The following LARS1 variants were observed in gnomAD, a reference collection of about 807,000 sequenced individuals.
LARS1 encodes leucine--tRNA ligase, cytoplasmic.
LARS1 carries 100 observed loss-of-function variants against 162.8 expected under a neutral mutation model. That is an observed-to-expected ratio of 0.61 (90% confidence interval 0.52 to 0.73). The LOEUF is 0.73. LARS1 is among the 30% of genes least tolerant of loss of function. The pLI is 0.00. For synonymous variants in LARS1, 457 were observed against 462.8 expected, an observed-to-expected ratio of 0.99 and a Z score of 0.16; for missense variants, 1,258 against 1,408.9, an observed-to-expected ratio of 0.89 and a Z score of 1.71.
At position 146,114,175 on chromosome 5, in the gene LARS1, C is replaced by G; in HGVS notation, c.3462G>C (p.Lys1154Asn). ...TCCCATTCTCAGTCAGATGAATTTT[C>G]TTGCTCATGAGGTCCACATTGAAAA... Reference protein sequence around the residue: ...HAVFNVDLMSKKIHLTENGIR... With the variant: ...HAVFNVDLMSNKIHLTENGIR... Residue 1154 changes from lysine to asparagine, a missense_variant, in exon 32 of 32, where the codon AAG (lysine) becomes AAC (asparagine). Physicochemically the swap from Lys to Asn is moderately conservative, Grantham distance 94. Coordinates refer to ENST00000394434, the MANE Select transcript of LARS1 (RefSeq NM_020117.11). 1 of 1,613,802 alleles carries G rather than the reference C, an allele frequency of 6.2e-7. No individual in the cohort carries two copies. Among genetic ancestry groups the G allele is most frequent in the Non-Finnish European group, 8.5e-7 (1 of 1,179,952 alleles).
rs59699348 is a variant in LARS1, at chr5:146,118,726, T to C, written c.3325+1645A>G. On this transcript the variant is annotated intron_variant, in intron 31 of 31. Transcript: ENST00000394434. The stretch of plus-strand genomic sequence containing the variant: ...CTGGAGGGAAGGAGAATGGGAGTTA[T>C]TATTTAATGGGTATAGGGTTTCAAT... 7.9e-3 allele frequency among the ~76,000 whole-genome samples: 1,198 copies of C among 152,312 alleles called. 13 individuals carry two copies. Among genetic ancestry groups the C allele is most frequent in the African/African-American group, 0.027 (1,116 of 41,574 alleles).
chr5:146,135,583 A>C lies in LARS1; in HGVS notation c.2212+18T>G. The C allele has an allele frequency of 1.9e-6, 3 of 1,570,486 alleles. No individual in the cohort carries two copies. The highest frequency in any genetic ancestry group is 2.6e-6 in the Non-Finnish European group (3 of 1,147,600). ...AACTGGACCCTACAGAACAGCAATA[A>C]GAAAAATGTTTACTCACCATCTGCT... On this transcript the variant is annotated intron_variant, in intron 22 of 31. Coordinates refer to ENST00000394434, the MANE Select transcript of LARS1 (RefSeq NM_020117.11).
chr5:146,157,072 A>G (rs1478507622), intron 10 of LARS1, among the ~76,000 whole-genome samples: 1 of 152,224 alleles, frequency 6.6e-6, no homozygotes, highest in Non-Finnish European at 1.5e-5. Flanking sequence ...AAACAGTCAG[A>G]CTACACAATT....
At chr5:146,130,925 G>T in intron 24 of LARS1, 94 bp downstream of exon 24, 2 of 588,898 alleles carry the variant, frequency 3.4e-6, no homozygotes, top group Non-Finnish European at 5.8e-6. Flanking sequence ...CACTTTAGGC[G>T]AGTAATTGTG....
At chr5:146,117,338 G>A (rs759016299) in intron 31 of LARS1, among the ~76,000 whole-genome samples, 36 of 152,020 alleles carry the variant, frequency 2.4e-4, no homozygotes, top group Non-Finnish European at 4.1e-4. Flanking sequence ...AAGCAGGGCC[G>A]GTGTCTCATC....
chr5:146,157,919 CAGAGA>C, intron 8 of LARS1, 124 bp from the exon 9 acceptor site: 1 of 881,492 alleles, frequency 1.1e-6, no homozygotes, highest in East Asian at 2.6e-5. Flanking sequence ...TTTTTTTTTG[CAGAGA>C]AGAGATTGCC....
intron 22 of LARS1, among the ~76,000 whole-genome samples, chr5:146,134,265 C>A (rs1269700000): frequency 6.6e-6 from 1 of 152,212 alleles, no homozygotes; most frequent in Non-Finnish European, 1.5e-5. Flanking sequence ...TTATTTATAG[C>A]TTCTTTTTCT....
intron 2 of LARS1, among the ~76,000 whole-genome samples, chr5:146,174,544 A>ATG (rs202066528): frequency 1.1e-5 from 1 of 91,246 alleles, no homozygotes; most frequent in Non-Finnish European, 2.6e-5. Flanking sequence ...ATATCCATAT[A>ATG]TGTATATATC....
chr5:146,131,181 T>C, intron 23 of LARS1, 72 bp from the exon 24 acceptor site: 1 of 608,040 alleles, frequency 1.6e-6, no homozygotes, highest in Non-Finnish European at 2.8e-6. Context: ...AACTGCTGCA[T>C]ACACAAATTT....
intron 20 of LARS1, among the ~76,000 whole-genome samples, chr5:146,142,460 T>A (rs1163260401): frequency 6.6e-6 from 1 of 152,136 alleles, no homozygotes; most frequent in South Asian, 2.1e-4. Flanking sequence ...AGTAGACATG[T>A]CTGGGTAAAG....
At chr5:146,163,729 C>T (rs908124199) in intron 6 of LARS1, among the ~76,000 whole-genome samples, 2 of 152,156 alleles carry the variant, frequency 1.3e-5, no homozygotes, top group Non-Finnish European at 2.9e-5. Flanking sequence ...GCATTCATAA[C>T]TTGGCTGACT....
chr5:146,158,912 C>T (rs939835343), intron 8 of LARS1, among the ~76,000 whole-genome samples: 6 of 152,060 alleles, frequency 3.9e-5, no homozygotes, highest in East Asian at 1.9e-4. Context: ...CTGGCTAACA[C>T]GGTGAAACCC....
Position 146,130,058 on chromosome 5 carries a change from C to G in LARS1, c.2588G>C (p.Cys863Ser). The change falls in exon 25 of 32, where the codon TGT becomes TCT. Residue 863 changes from cysteine (C) to serine (S), a missense_variant. Coordinates refer to ENST00000394434, the MANE Select transcript of LARS1 (RefSeq NM_020117.11). ...CCAGATGTGCTCACACAAATGTGGA[C>G]AGAATGGAGCGAGGAGAAGTGTCTG... ...EVQTLLLAPF[C>S]PHLCEHIWTL... The G allele has an allele frequency of 6.2e-7, 1 of 1,613,914 alleles. No individual in the cohort carries two copies. Among genetic ancestry groups the G allele is most frequent in the Non-Finnish European group, 8.5e-7 (1 of 1,179,872 alleles).
At chr5:146,145,433 A>AT in intron 15 of LARS1, among the ~76,000 whole-genome samples, 1 of 151,932 alleles carries the variant, frequency 6.6e-6, no homozygotes. Context: ...AAAAAAAAAG[A>AT]TATACAAAGA....
intron 1 of LARS1, among the ~76,000 whole-genome samples, chr5:146,181,868 T>TTTC (rs1554074637): frequency 7.2e-6 from 1 of 138,990 alleles, no homozygotes; most frequent in Non-Finnish European, 1.5e-5. Flanking sequence ...TTTTTTTTTT[T>TTTC]TTTTTTTTTT....
At position 146,132,998 on chromosome 5, in the gene LARS1, G is replaced by T; in HGVS notation, c.2296C>A (p.Arg766Ser). ...VEAMADAGILRLYTWVEWVKE... is the reference protein window; with the variant it reads ...VEAMADAGILSLYTWVEWVKE... ...ACCCACTCTACCCAGGTGTACAGAC[G>T]GAGAATACCTGCATCTGCCATGGCT... is the stretch of plus-strand genomic sequence containing the variant. Residue 766 changes from arginine (R) to serine (S), a missense_variant, in exon 23 of 32, where the codon CGT becomes AGT. Arg to Ser is a moderately radical substitution (Grantham distance 110). Transcript: ENST00000394434. The T allele has an allele frequency of 1.2e-6, 2 of 1,613,972 alleles. No homozygotes were observed. Among genetic ancestry groups the T allele is most frequent in the Non-Finnish European group, 1.7e-6 (2 of 1,179,930 alleles).
intron 15 of LARS1, among the ~76,000 whole-genome samples, chr5:146,146,727 T>C (rs965484825): frequency 6.6e-6 from 1 of 150,380 alleles, no homozygotes; most frequent in African/African-American, 2.5e-5. Context: ...TAGACTTTTT[T>C]GTTTGTTGTG....
At chr5:146,139,370 A>G (rs1752660868) in intron 21 of LARS1, among the ~76,000 whole-genome samples, 1 of 151,444 alleles carries the variant, frequency 6.6e-6, no homozygotes. Context: ...AGAAAAAGAA[A>G]AAAAAAGGAA....
intron 7 of LARS1, 91 bp downstream of exon 7, chr5:146,160,283 A>G (rs1315960208): frequency 1.6e-6 from 1 of 619,636 alleles, no homozygotes; most frequent in Admixed American, 4.1e-5. Flanking sequence ...CAATCCCCTC[A>G]CCTCAGTTTC....
Sources: allele counts gnomAD v4.1 joint callset (sites outside exome capture counted in the v4.1 genomes callset), GRCh38; gene constraint gnomAD v4.1.1; transcripts MANE v1.5; gene names NCBI Gene and HGNC (gene_info 2026-07-23, HGNC 2026-07-21).